The following TIMP2 variants were observed in gnomAD, a reference collection of about 807,000 sequenced individuals.
TIMP2 encodes TIMP metallopeptidase inhibitor 2.
Under a neutral mutation model 24.3 loss-of-function variants are expected in TIMP2, and 5 were observed. That is an observed-to-expected ratio of 0.21 (90% CI 0.11 to 0.43). TIMP2 has a LOEUF of 0.43. Ranked by LOEUF, TIMP2 falls within the 20% of genes least tolerant of loss-of-function variation. TIMP2 has a pLI of 1.00. For missense variants in TIMP2, 221 were observed against 297.5 expected (o/e 0.74, Z 1.89); for synonymous variants, 130 against 123.2 (o/e 1.06, Z -0.37).
At chr17:78,923,993 G>A (rs1461680447) in intron 1 of TIMP2, among the ~76,000 whole-genome samples, 1 of 152,182 alleles carries the variant, frequency 6.6e-6, no homozygotes, top group Non-Finnish European at 1.5e-5. Flanking sequence ...GAGACCACCT[G>A]CCGTGTAGCC....
intron 1 of TIMP2, among the ~76,000 whole-genome samples, chr17:78,884,728 C>G (rs1483037995): frequency 6.6e-6 from 1 of 152,210 alleles, no homozygotes; most frequent in African/African-American, 2.4e-5. Flanking sequence ...GGCTGCACCC[C>G]AGCCCTCCGC....
At chr17:78,918,918 T>C (rs1201889651) in intron 1 of TIMP2, among the ~76,000 whole-genome samples, 1 of 151,270 alleles carries the variant, frequency 6.6e-6, no homozygotes, top group Non-Finnish European at 1.5e-5. Flanking sequence ...AAATTGAAGC[T>C]GCAGTGATCT....
At chr17:78,915,108 G>A (rs1202629030) in intron 1 of TIMP2, among the ~76,000 whole-genome samples, 1 of 151,696 alleles carries the variant, frequency 6.6e-6, no homozygotes, top group African/African-American at 2.4e-5. Flanking sequence ...TGTTGGCCAG[G>A]CTGGTCTCAA....
chr17:78,921,790 C>A (rs1035921242), intron 1 of TIMP2, among the ~76,000 whole-genome samples: 3 of 152,226 alleles, frequency 2.0e-5, no homozygotes, highest in Non-Finnish European at 4.4e-5. Context: ...AACATCACCA[C>A]CTCATCATGA....
rs9896475 is a variant in TIMP2, at chr17:78,924,410, G to A, written c.130+549C>T. Among the ~76,000 whole-genome samples the A allele has an allele frequency of 6.5e-3, 989 of 152,336 alleles. 14 individuals are homozygous for A. Among genetic ancestry groups the A allele is most frequent in the African/African-American group, 0.023 (950 of 41,586 alleles). On this transcript the variant is annotated intron_variant, in intron 1 of 4. Transcript: ENST00000262768. This position sits in a 1 kb window ranked among gnomAD's most constrained non-coding sequence, Gnocchi z 5.3. ...CACCGGCTTTTTCACCTGCCCCTCT[G>A]GGCCTGTGGAACCTGCCTCGGGTAG...
At position 78,855,826 on chromosome 17, in the gene TIMP2, G is replaced by A. The variant is rs778131193; in HGVS notation, c.504C>T (p.Ser168=). The change falls in exon 5 of 5, where the codon TCC becomes TCT. Residue 168 remains serine (S), a synonymous_variant. Coordinates refer to ENST00000262768, the MANE Select transcript of TIMP2 (RefSeq NM_003255.5). This position sits in a 1 kb window ranked among gnomAD's most constrained non-coding sequence, Gnocchi z 6.0. ...RCPMIPCYIS[S]PDECLWMDWV... is the part of the protein sequence containing the mutation. ...AGTCCATCCAGAGGCACTCGTCCGG[G>A]GAGGAGATGTAGCACGGGATCATGG... 1 of 1,614,140 alleles carries A rather than the reference G, an allele frequency of 6.2e-7. No individual in the cohort carries two copies. Among genetic ancestry groups the A allele is most frequent in the South Asian group, 1.1e-5 (1 of 91,088 alleles).
intron 1 of TIMP2, among the ~76,000 whole-genome samples, chr17:78,882,424 C>T (rs1286275189): frequency 6.6e-6 from 1 of 152,242 alleles, no homozygotes; most frequent in Non-Finnish European, 1.5e-5. Flanking sequence ...GACAGATGTC[C>T]AGTAACACAG....
At chr17:78,873,296 G>A (rs2069700580) in intron 2 of TIMP2, among the ~76,000 whole-genome samples, 1 of 103,146 alleles carries the variant, frequency 9.7e-6, no homozygotes. Flanking sequence ...TGCCCTCCCT[G>A]CCACATATTT....
intron 1 of TIMP2, among the ~76,000 whole-genome samples, chr17:78,907,479 A>G (rs1157353484): frequency 1.3e-5 from 2 of 152,222 alleles, no homozygotes; most frequent in African/African-American, 4.8e-5. Context: ...GGATCAATTA[A>G]CTTTGCCATC....
chr17:78,890,627 GC>G, intron 1 of TIMP2: 1 of 1,546,934 alleles, frequency 6.5e-7, no homozygotes, highest in Non-Finnish European at 8.7e-7. Context: ...CCCCGGGTGG[GC>G]CTCTCGCATT....
At chr17:78,882,680 C>T (rs1599154816) in intron 1 of TIMP2, among the ~76,000 whole-genome samples, 1 of 152,228 alleles carries the variant, frequency 6.6e-6, no homozygotes, top group Admixed American at 6.5e-5. Flanking sequence ...GGATGGCAGA[C>T]GGTGATCCAG....
intron 3 of TIMP2, among the ~76,000 whole-genome samples, chr17:78,869,796 T>A (rs1471340919): frequency 6.6e-6 from 1 of 151,950 alleles, no homozygotes; most frequent in Non-Finnish European, 1.5e-5. Context: ...GCCTGGGAAA[T>A]AGAGCGAGAC....
intron 1 of TIMP2, among the ~76,000 whole-genome samples, chr17:78,923,165 G>A (rs1400103832): frequency 6.6e-6 from 1 of 152,052 alleles, no homozygotes; most frequent in African/African-American, 2.4e-5. Flanking sequence ...TGATTTTGAT[G>A]CAAAGATTTA....
At position 78,854,945 on chromosome 17, in the gene TIMP2, G is replaced by A. The variant is rs1305198497; in HGVS notation, c.*722C>T. The A allele has an allele frequency of 8.1e-6, 1 of 122,868 alleles. No individual in the cohort carries two copies. Among genetic ancestry groups the A allele is most frequent in the Non-Finnish European group, 1.7e-5 (1 of 57,490 alleles). 7.6% of individuals were successfully genotyped at this position (122,868 alleles called of 1,614,324 possible). Reference sequence around the variant, plus strand: ...GCGGGGGGGGGGGGGTGGGGGGGTGGGTGCAGACCAAAAAGACTCAGCTGA... The same window carrying A: ...GCGGGGGGGGGGGGGTGGGGGGGTGAGTGCAGACCAAAAAGACTCAGCTGA... On this transcript the variant is annotated 3_prime_UTR_variant, in exon 5 of 5. Coordinates refer to ENST00000262768, the MANE Select transcript of TIMP2 (RefSeq NM_003255.5).
intron 1 of TIMP2, among the ~76,000 whole-genome samples, chr17:78,885,197 A>G (rs2069814946): frequency 6.6e-6 from 1 of 152,232 alleles, no homozygotes; most frequent in African/African-American, 2.4e-5. Context: ...AAGGACCCAC[A>G]AGGCAGGGAG....
At position 78,855,802 on chromosome 17, in the gene TIMP2, G is replaced by A; in HGVS notation, c.528C>T (p.Asp176=). 3 of 1,614,198 alleles carry A rather than the reference G, an allele frequency of 1.9e-6. No individual in the cohort carries two copies. Among genetic ancestry groups the A allele is most frequent in the Non-Finnish European group, 1.7e-6 (2 of 1,180,034 alleles). ...ISSPDECLWM[D]WVTEKNINGH... ...CGTTGATGTTCTTCTCTGTGACCCA[G>A]TCCATCCAGAGGCACTCGTCCGGGG... The change falls in exon 5 of 5, where the codon GAC becomes GAT. Residue 176 remains aspartate (D), a synonymous_variant. Transcript: ENST00000262768. The surrounding 1 kb of genome is among the most constrained non-coding windows in gnomAD (Gnocchi z 6.0).
chr17:78,883,990 G>A (rs1418794859), intron 1 of TIMP2, among the ~76,000 whole-genome samples: 1 of 152,344 alleles, frequency 6.6e-6, no homozygotes, highest in East Asian at 1.9e-4. Context: ...ACCAGACCCC[G>A]GGAGGATTTG....
chr17:78,857,471 C>G (rs1285605180), intron 4 of TIMP2, 51 bp downstream of exon 4: 2 of 1,612,188 alleles, frequency 1.2e-6, no homozygotes, highest in Admixed American at 1.7e-5. Context: ...TGCCGTCCAT[C>G]TGGAGACACT....
At chr17:78,872,187 C>G (rs551947739) in intron 2 of TIMP2, among the ~76,000 whole-genome samples, 1 of 151,066 alleles carries the variant, frequency 6.6e-6, no homozygotes, top group African/African-American at 2.4e-5. Flanking sequence ...GACGAGGTCT[C>G]GCTCTATTAC....
Sources: allele counts gnomAD v4.1 joint callset (sites outside exome capture counted in the v4.1 genomes callset), GRCh38; gene constraint gnomAD v4.1.1; non-coding constraint Gnocchi (gnomAD v3.1); transcripts MANE v1.5; gene names NCBI Gene and HGNC (gene_info 2026-07-23, HGNC 2026-07-21).